The following MRPL34 variants were observed in gnomAD, a reference collection of about 807,000 sequenced individuals.
The protein encoded by MRPL34 is large ribosomal subunit protein bL34m.
MRPL34 carries 8 observed loss-of-function variants against 6.7 expected under a neutral mutation model. The observed-to-expected ratio is 1.20, with a 90% CI of 0.70 to 2.16. MRPL34 has a LOEUF of 2.16. MRPL34 is among the 30% of genes most tolerant of loss of function. The probability of loss-of-function intolerance (pLI) is 0.00; values close to 1 mark genes in which losing one functional copy is unlikely to be tolerated. For missense variants in MRPL34, 146 were observed against 125.5 expected (o/e 1.16, Z -0.78); for synonymous variants, 59 against 55.1 (o/e 1.07, Z -0.31).
chr19:17,304,669 T>C (rs2074137542), upstream of MRPL34, among the ~76,000 whole-genome samples: 2 of 152,136 alleles, frequency 1.3e-5, no homozygotes, highest in Admixed American at 1.3e-4. Context: ...AACCCCAAGC[T>C]GGCACTTGTA....
chr19:17,301,570 G>A (rs2074119188), upstream of MRPL34: 4 of 1,593,730 alleles, frequency 2.5e-6, no homozygotes, highest in South Asian at 1.1e-5. Flanking sequence ...GTTGGGGGGC[G>A]TGCCCAGCAG....
upstream of MRPL34, chr19:17,300,999 C>CA (rs779107395): frequency 1.2e-6 from 2 of 1,613,500 alleles, no homozygotes; most frequent in Non-Finnish European, 1.7e-6. Flanking sequence ...GGTCAGGAGC[C>CA]ACCACCTCAT....
upstream of MRPL34, among the ~76,000 whole-genome samples, chr19:17,304,972 G>C (rs7253389): frequency 6.6e-6 from 1 of 151,832 alleles, no homozygotes; most frequent in South Asian, 2.1e-4. Context: ...GGCCCCAAGG[G>C]ATCCTCCCTC....
intron 1 of MRPL34, among the ~76,000 whole-genome samples, chr19:17,295,554 GCAC>G (rs2074090761): frequency 6.6e-6 from 1 of 151,954 alleles, no homozygotes; most frequent in African/African-American, 2.4e-5. Flanking sequence ...GTACAGGCAT[GCAC>G]CACCACACCT....
At chr19:17,294,088 TGATG>T (rs1458943948) in intron 1 of MRPL34, among the ~76,000 whole-genome samples, 1 of 152,128 alleles carries the variant, frequency 6.6e-6, no homozygotes, top group Non-Finnish European at 1.5e-5. Context: ...ATTCTACTTC[TGATG>T]CTAGACCTAA....
intron 1 of MRPL34, chr19:17,294,700 G>A (rs1284611987): frequency 6.2e-7 from 1 of 1,613,970 alleles, no homozygotes; most frequent in African/African-American, 1.3e-5. Flanking sequence ...GCCAGGCAGG[G>A]CGACAAGCAG....
At chr19:17,301,539 G>A (rs2145660340), upstream of MRPL34, 4 of 1,609,616 alleles carry the variant, frequency 2.5e-6, no homozygotes, top group Non-Finnish European at 3.4e-6. Flanking sequence ...TGGACTCGAC[G>A]CTCTCCAGTG....
rs2074150772 is a variant in MRPL34 at position 17,306,670 on chromosome 19, C to A, written c.*291C>A. On this transcript the variant is annotated 3_prime_UTR_variant, in exon 2 of 2. Coordinates refer to ENST00000252602, the MANE Select transcript of MRPL34 (RefSeq NM_023937.4). ...ACCCGTCCCTGCCCCATCCTGAGTT[C>A]TTTTGAAGCTGATCTCAGGCATCGG... 1 of 267,702 alleles carries A rather than the reference C, an allele frequency of 3.7e-6. No individual in the cohort carries two copies. The highest frequency in any genetic ancestry group is 7.0e-6 in the Non-Finnish European group (1 of 142,954). 16.6% of individuals were successfully genotyped at this position (267,702 alleles called of 1,614,324 possible). A position where few individuals can be genotyped will look rare whatever the true frequency, so the allele number is the denominator to read the frequency against.
chr19:17,301,227 G>A (rs969801351), upstream of MRPL34: 5 of 1,592,482 alleles, frequency 3.1e-6, no homozygotes, highest in African/African-American at 5.4e-5. Context: ...CGGGGGCCAA[G>A]CGGCCATCGC....
At chr19:17,300,759 T>C, upstream of MRPL34, 1 of 1,441,622 alleles carries the variant, frequency 6.9e-7, no homozygotes, top group East Asian at 2.3e-5. Context: ...ATTACAGGCG[T>C]GAGCCACGGG....
chr19:17,294,266 C>A lies in MRPL34; in HGVS notation c.214+1412C>A, dbSNP rs749967311. The A allele has an allele frequency of 3.8e-6, 6 of 1,589,056 alleles. No homozygotes were observed. The Admixed American group carries it at 5.0e-5, about 13-fold the overall frequency. On this transcript the variant is annotated intron_variant, in intron 1 of 2. Transcript: ENST00000595444. ...GCACCCTGGGGATTTGTAGCTGTGG[C>A]GCCCCAGGTGCCCGCCTCTACCTCG...
upstream of MRPL34, chr19:17,301,737 C>G (rs1334473962): frequency 1.6e-5 from 20 of 1,278,308 alleles, no homozygotes; most frequent in Non-Finnish European, 1.9e-5. Context: ...GTTTGGGGAG[C>G]GCCAGATCAA....
At chr19:17,301,595 C>G (rs552233794), upstream of MRPL34, 9 of 1,565,150 alleles carry the variant, frequency 5.8e-6, no homozygotes, top group Non-Finnish European at 7.8e-6. Flanking sequence ...CAGAAGATAC[C>G]GTCGGTCACC....
rs766735434 is a variant in MRPL34, at chr19:17,292,891, T to A, written c.214+37T>A. The A allele has an allele frequency of 2.3e-5, 36 of 1,543,578 alleles. No homozygotes were observed. In the South Asian group the frequency reaches 4.1e-4, roughly 17 times the overall value. ...CAAGAGGGTGGAGAGAGGCCAGGCT[T>A]CCCTGGGACTCCGCCATACACACAT... On this transcript the variant is annotated intron_variant, in intron 1 of 2. Coordinates refer to the MRPL34 transcript ENST00000595444.
chr19:17,296,517 G>A (rs1474546761), intron 1 of MRPL34: 1 of 152,110 alleles, frequency 6.6e-6, no homozygotes, highest in Non-Finnish European at 1.5e-5. Flanking sequence ...CCTGCCTCTG[G>A]GCATGACATA....
chr19:17,301,242 C>T (rs1363131981), upstream of MRPL34: 8 of 1,594,624 alleles, frequency 5.0e-6, no homozygotes, highest in Non-Finnish European at 6.8e-6. Flanking sequence ...CATCGCTGCC[C>T]GCCGGATCTG....
intron 1 of MRPL34, among the ~76,000 whole-genome samples, chr19:17,296,029 C>T (rs2145653646): frequency 6.6e-6 from 1 of 152,006 alleles, no homozygotes; most frequent in South Asian, 2.1e-4. Context: ...GGGTTCATGT[C>T]CTCCCCCTAC....
chr19:17,293,355 C>T (rs1172986473), intron 1 of MRPL34, among the ~76,000 whole-genome samples: 1 of 151,772 alleles, frequency 6.6e-6, no homozygotes, highest in Non-Finnish European at 1.5e-5. Flanking sequence ...CCTCGGTCTC[C>T]CAAAGTGCTG....
At chr19:17,301,953 C>G (rs2074122157), upstream of MRPL34, among the ~76,000 whole-genome samples, 1 of 152,124 alleles carries the variant, frequency 6.6e-6, no homozygotes, top group South Asian at 2.1e-4. Context: ...GCCACCATGT[C>G]TAGCTAATTT....
Sources: allele counts gnomAD v4.1 joint callset (sites outside exome capture counted in the v4.1 genomes callset), GRCh38; gene constraint gnomAD v4.1.1; transcripts MANE v1.5; gene names NCBI Gene and HGNC (gene_info 2026-07-23, HGNC 2026-07-21).